The following SLC7A6OS variants were observed in gnomAD, a reference collection of about 807,000 sequenced individuals.
SLC7A6OS encodes solute carrier family 7 member 6 opposite strand, also known as probable RNA polymerase II nuclear localization protein SLC7A6OS.
A neutral mutation model predicts 34.3 loss-of-function variants in SLC7A6OS; 22 were observed. The observed-to-expected ratio is 0.64, with a 90% confidence interval of 0.46 to 0.92. SLC7A6OS has a LOEUF of 0.92. SLC7A6OS is among the 40% of genes least tolerant of loss of function. The pLI is 0.00. For missense variants in SLC7A6OS, 434 were observed against 407.7 expected, an observed-to-expected ratio of 1.06 and a Z score of -0.56; for synonymous variants, 199 against 165.0, an observed-to-expected ratio of 1.21 and a Z score of -1.58.
At chr16:68,304,829 T>C (rs1022212987) in intron 2 of SLC7A6OS, among the ~76,000 whole-genome samples, 1 of 152,172 alleles carries the variant, frequency 6.6e-6, no homozygotes, top group African/African-American at 2.4e-5. Context: ...GGTGGACAGC[T>C]TGCTTGAGCC....
At chr16:68,301,537 G>A in intron 4 of SLC7A6OS, 132 bp from the exon 5 acceptor site, 2 of 650,354 alleles carry the variant, frequency 3.1e-6, no homozygotes, top group Admixed American at 7.2e-5. Context: ...AAATAAAAAA[G>A]AATATAGAAT....
Position 68,300,558 on chromosome 16 carries a change from A to T in SLC7A6OS, c.*717T>A. The T allele has an allele frequency of 1.1e-6, 1 of 939,950 alleles. No individual in the cohort carries two copies. The allele number at this position is 939,950 out of a possible 1,614,324, so 58.2% of individuals were successfully genotyped here. A position where few individuals can be genotyped will look rare whatever the true frequency, so the allele number is the denominator to read the frequency against. ...TAATCAATGCTGAACCTTCTATTTCACTACCGCTCCCTGTTTTAGATATTC... is the reference window on the plus strand; with the variant it reads ...TAATCAATGCTGAACCTTCTATTTCTCTACCGCTCCCTGTTTTAGATATTC... On this transcript the variant is annotated 3_prime_UTR_variant, in exon 5 of 5. Transcript: ENST00000263997.
At chr16:68,309,954 GC>G (rs1187776938) in intron 2 of SLC7A6OS, among the ~76,000 whole-genome samples, 1 of 152,112 alleles carries the variant, frequency 6.6e-6, no homozygotes, top group Non-Finnish European at 1.5e-5. Flanking sequence ...GGAATACCCT[GC>G]CATTCACCTT....
Position 68,302,201 on chromosome 16 carries a change from C to T in SLC7A6OS, c.799+180G>A, listed in dbSNP as rs1342019075. 6.1e-6 allele frequency: 4 copies of T among 654,286 alleles called. No homozygotes were observed. In the East Asian group the frequency reaches 1.1e-4, roughly 17 times the overall value. The allele number at this position is 654,286 out of a possible 1,614,324, so 40.5% of individuals were successfully genotyped here. A position where few individuals can be genotyped will look rare whatever the true frequency, so the allele number is the denominator to read the frequency against. ...AATCCAGGCCTGATGGATTATTACA[C>T]CCCCAGGAGGCCCCTGGGAAACACT... On this transcript the variant is annotated intron_variant, in intron 4 of 4. Coordinates refer to ENST00000263997, the MANE Select transcript of SLC7A6OS (RefSeq NM_032178.3).
In SLC7A6OS at chr16:68,299,093, G is replaced by A. The variant is rs1005647951; in HGVS notation, c.*2182C>T. On this transcript the variant is annotated 3_prime_UTR_variant, in exon 5 of 5. Transcript: ENST00000263997. Reference sequence around the variant, plus strand: ...TCCTACTGTCATGGGTTTGGGATTTGTAACGGCAAATTCCTGCCCGACGAC... The same window carrying A: ...TCCTACTGTCATGGGTTTGGGATTTATAACGGCAAATTCCTGCCCGACGAC... The A allele has an allele frequency of 6.6e-6, 1 of 152,668 alleles. No individual in the cohort carries two copies. Among genetic ancestry groups the A allele is most frequent in the Admixed American group, 6.5e-5 (1 of 15,286 alleles). 9.5% of individuals were successfully genotyped at this position (152,668 alleles called of 1,614,324 possible).
intron 2 of SLC7A6OS, among the ~76,000 whole-genome samples, chr16:68,306,941 C>G (rs2043331482): frequency 6.6e-6 from 1 of 152,060 alleles, no homozygotes; most frequent in Admixed American, 6.6e-5. Context: ...CTCCCGGGCT[C>G]AAGTGCTCCT....
In SLC7A6OS at chr16:68,310,860, G is replaced by A. The variant is rs1227685806; in HGVS notation, c.67C>T (p.Leu23Phe). Reference sequence around the variant, plus strand: ...CGGAGGCGTTTACAAGCGAGCACAAGAGCCTCCGCCGGCTCCGCACTGCGC... The same window carrying A: ...CGGAGGCGTTTACAAGCGAGCACAAAAGCCTCCGCCGGCTCCGCACTGCGC... ...RKRSAEPAEA[L>F]VLACKRLRSD... is the part of the protein sequence containing the mutation. Residue 23 changes from leucine (L) to phenylalanine (F), a missense_variant, in exon 1 of 5, where the codon CTT (leucine) becomes TTT (phenylalanine). By Grantham distance (22) the Leu-to-Phe change is conservative (BLOSUM62 0). Transcript: ENST00000263997. 3.1e-6 allele frequency: 5 copies of A among 1,611,942 alleles called. No individual in the cohort carries two copies. The East Asian group carries it at 1.1e-4, about 36-fold the overall frequency.
Position 68,304,182 on chromosome 16 carries a change from C to T in SLC7A6OS, c.522G>A (p.Glu174=), listed in dbSNP as rs143421140. 6.2e-7 allele frequency: 1 copy of T among 1,614,214 alleles called. No individual in the cohort carries two copies. Among genetic ancestry groups the T allele is most frequent in the Non-Finnish European group, 8.5e-7 (1 of 1,180,032 alleles). ...ILCNSVELIR[E]RLTVSEDGPG... ...GTCCATCCTCAGACACAGTCAATCGCTCACGGATCAACTCTACAGAATTGC... is the reference window on the plus strand; with the variant it reads ...GTCCATCCTCAGACACAGTCAATCGTTCACGGATCAACTCTACAGAATTGC... The change falls in exon 3 of 5, where the codon GAG becomes GAA. Residue 174 remains glutamate, a synonymous_variant. Coordinates refer to ENST00000263997, the MANE Select transcript of SLC7A6OS (RefSeq NM_032178.3).
chr16:68,301,027 GT>G lies in SLC7A6OS; in HGVS notation c.*247del, dbSNP rs904540749. ...CTAAAGAAACCTTCCTTTTTTCAAC[GT>G]TTTTTTTTCTTTCAAACTGTAGGGT... On this transcript the variant is annotated 3_prime_UTR_variant, in exon 5 of 5. Transcript: ENST00000263997. 34 of 1,145,246 alleles carry G rather than the reference GT, an allele frequency of 3.0e-5. No homozygotes were observed. The highest frequency in any genetic ancestry group is 1.4e-4 in the Admixed American group (3 of 21,170). 70.9% of individuals were successfully genotyped at this position (1,145,246 alleles called of 1,614,324 possible). A position where few individuals can be genotyped will look rare whatever the true frequency, so the allele number is the denominator to read the frequency against.
rs1051291308 is a variant in SLC7A6OS at position 68,299,556 on chromosome 16, T to C, written c.*1719A>G. 7 of 152,340 alleles carry C rather than the reference T, an allele frequency of 4.6e-5. No individual in the cohort carries two copies. Among genetic ancestry groups the C allele is most frequent in the Non-Finnish European group, 1.0e-4 (7 of 68,048 alleles). 9.4% of individuals were successfully genotyped at this position (152,340 alleles called of 1,614,324 possible). ...TTGTTGTCTGTCTCCTTAAATCCTT[T>C]TCCTGGTGTGCTTATTATCCCTTTT... On this transcript the variant is annotated 3_prime_UTR_variant, in exon 5 of 5. Coordinates refer to ENST00000263997, the MANE Select transcript of SLC7A6OS (RefSeq NM_032178.3).
chr16:68,307,021 C>T (rs947832000), intron 2 of SLC7A6OS, among the ~76,000 whole-genome samples: 1 of 152,170 alleles, frequency 6.6e-6, no homozygotes, highest in Non-Finnish European at 1.5e-5. Context: ...TTCAGTTTCA[C>T]TACACACAGC....
rs1010274818 is a variant in SLC7A6OS at position 68,300,745 on chromosome 16, T to C, written c.*530A>G. 1 of 985,396 alleles carries C rather than the reference T, an allele frequency of 1.0e-6. No individual in the cohort carries two copies. Among genetic ancestry groups the C allele is most frequent in the African/African-American group, 1.7e-5 (1 of 57,252 alleles). The allele number at this position is 985,396 out of a possible 1,614,324, so 61.0% of individuals were successfully genotyped here. ...ATCAGAGTTTGGAAGCAGAAATAGC[T>C]GTTAACTAAAATCTCCCACTGCTCA... On this transcript the variant is annotated 3_prime_UTR_variant, in exon 5 of 5. Transcript: ENST00000263997.
At position 68,309,271 on chromosome 16, in the gene SLC7A6OS, C is replaced by T. The variant is rs148218411; in HGVS notation, c.471+1064G>A. 3.9e-3 allele frequency among the ~76,000 whole-genome samples: 599 copies of T among 152,110 alleles called. 3 individuals are homozygous for T. The highest frequency in any genetic ancestry group is 0.014 in the Middle Eastern group (4 of 294). Reference sequence around the variant, plus strand: ...CACAATGCCCAGCTAATTTCCTCTTCCTTTTTGTAGTGACAAGGTCTTGCT... The same window carrying T: ...CACAATGCCCAGCTAATTTCCTCTTTCTTTTTGTAGTGACAAGGTCTTGCT... On this transcript the variant is annotated intron_variant, in intron 2 of 4. Coordinates refer to ENST00000263997, the MANE Select transcript of SLC7A6OS (RefSeq NM_032178.3).
At position 68,301,413 on chromosome 16, in the gene SLC7A6OS, G is replaced by A; in HGVS notation, c.800-8C>T. Reference sequence around the variant, plus strand: ...TGTTGTAGTCAGCAGAGCCTAGAATGACATCCCGGGAGTGGATTCTAAATG... The same window carrying A: ...TGTTGTAGTCAGCAGAGCCTAGAATAACATCCCGGGAGTGGATTCTAAATG... On this transcript the variant is annotated splice_region_variant and splice_polypyrimidine_tract_variant and intron_variant, in intron 4 of 4. Transcript: ENST00000263997. 1 of 1,611,854 alleles carries A rather than the reference G, an allele frequency of 6.2e-7. No individual in the cohort carries two copies. The highest frequency in any genetic ancestry group is 8.5e-7 in the Non-Finnish European group (1 of 1,178,636).
chr16:68,302,308 T>C (rs972500966), intron 4 of SLC7A6OS, 73 bp downstream of exon 4: 4 of 1,563,618 alleles, frequency 2.6e-6, no homozygotes, highest in Non-Finnish European at 3.5e-6. Flanking sequence ...GCAATTAAGA[T>C]GCACCTGTCA....
At chr16:68,307,504 GA>G (rs2043335405) in intron 2 of SLC7A6OS, among the ~76,000 whole-genome samples, 1 of 152,044 alleles carries the variant, frequency 6.6e-6, no homozygotes, top group Non-Finnish European at 1.5e-5. Flanking sequence ...ACATAACATA[GA>G]AATGCTGTCA....
At chr16:68,307,836 G>GA (rs2043337277) in intron 2 of SLC7A6OS, among the ~76,000 whole-genome samples, 1 of 152,120 alleles carries the variant, frequency 6.6e-6, no homozygotes, top group East Asian at 1.9e-4. Context: ...TGCTTTACTG[G>GA]AAAAATCTCT....
In SLC7A6OS at chr16:68,300,881, G is replaced by A; in HGVS notation, c.*394C>T. ...AGGAACAGGGTTTTCCTAGAGGCAGGCAGCCTGGTGGTATGGCACAGCAGA... is the reference window on the plus strand; with the variant it reads ...AGGAACAGGGTTTTCCTAGAGGCAGACAGCCTGGTGGTATGGCACAGCAGA... On this transcript the variant is annotated 3_prime_UTR_variant, in exon 5 of 5. Transcript: ENST00000263997. The A allele has an allele frequency of 1.0e-6, 1 of 990,282 alleles. No homozygotes were observed. Among genetic ancestry groups the A allele is most frequent in the Non-Finnish European group, 1.2e-6 (1 of 833,296 alleles). 61.3% of individuals were successfully genotyped at this position (990,282 alleles called of 1,614,324 possible).
intron 3 of SLC7A6OS, among the ~76,000 whole-genome samples, chr16:68,303,528 A>C (rs566968481): frequency 4.0e-5 from 6 of 151,682 alleles, no homozygotes; most frequent in Non-Finnish European, 8.8e-5. Flanking sequence ...GGCTGCAGTG[A>C]GCTCAGATAG....
Sources: allele counts gnomAD v4.1 joint callset (sites outside exome capture counted in the v4.1 genomes callset), GRCh38; gene constraint gnomAD v4.1.1; transcripts MANE v1.5; gene names NCBI Gene and HGNC (gene_info 2026-07-23, HGNC 2026-07-21).